Variants in ZNF285 observed in about 807,000 individuals in gnomAD.
ZNF285 encodes the protein zinc finger protein 285A.
A neutral mutation model predicts 6.2 loss-of-function variants in ZNF285; 4 were observed. The ratio of observed to expected loss-of-function variants is 0.65; its 90% CI spans 0.32 to 1.49. ZNF285 has a LOEUF of 1.49. ZNF285 is among the 40% of genes most tolerant of loss of function. The pLI is 0.07. For synonymous variants in ZNF285, 240 were observed against 245.8 expected (o/e 0.98, Z 0.22); for missense variants, 695 against 708.8 (o/e 0.98, Z 0.22).
chr19:44,400,764 G>A (rs1971362016), intron 1 of ZNF285, among the ~76,000 whole-genome samples: 1 of 152,028 alleles, frequency 6.6e-6, no homozygotes, highest in African/African-American at 2.4e-5. Flanking sequence ...GTTTTTTGTA[G>A]TAGAGACGGG....
intron 1 of ZNF285, among the ~76,000 whole-genome samples, chr19:44,399,132 CT>C (rs1450997807): frequency 6.6e-6 from 1 of 150,842 alleles, no homozygotes; most frequent in Non-Finnish European, 1.5e-5. Context: ...GTGGGCTACC[CT>C]TTGAATTGCA....
chr19:44,382,949 A>G lies in ZNF285; in HGVS notation c.*3523T>C, dbSNP rs189684358. 2 of 152,298 alleles carry G rather than the reference A, an allele frequency of 1.3e-5. No individual in the cohort carries two copies. The highest frequency in any genetic ancestry group is 4.8e-5 in the African/African-American group (2 of 41,562). 9.4% of individuals were successfully genotyped at this position (152,298 alleles called of 1,614,324 possible). Reference sequence around the variant, plus strand: ...AGAATGTGGGAGTCTGAGGCCCCAGATAGCTCCTCACCTAGGCATCCCAAA... The same window carrying G: ...AGAATGTGGGAGTCTGAGGCCCCAGGTAGCTCCTCACCTAGGCATCCCAAA... On this transcript the variant is annotated 3_prime_UTR_variant, in exon 4 of 4. Transcript: ENST00000614994.
intron 3 of ZNF285, 58 bp from the exon 4 acceptor site, chr19:44,388,160 T>C: frequency 1.3e-6 from 2 of 1,512,956 alleles, no homozygotes; most frequent in African/African-American, 1.4e-5. Context: ...TCCAGAGGTT[T>C]TGAGAAAATG....
intron 1 of ZNF285, among the ~76,000 whole-genome samples, chr19:44,397,612 C>T (rs1341486957): frequency 6.6e-6 from 1 of 152,174 alleles, no homozygotes; most frequent in Non-Finnish European, 1.5e-5. Context: ...GGGCTGGGCA[C>T]AGTGGCTCAC....
chr19:44,396,963 T>C, intron 2 of ZNF285: 1 of 575,956 alleles, frequency 1.7e-6, no homozygotes, highest in Non-Finnish European at 3.1e-6. Context: ...GGACTGGTAC[T>C]GATACATGAA....
chr19:44,392,223 A>C lies in ZNF285; in HGVS notation c.142+117T>G, dbSNP rs1027964740. The stretch of plus-strand genomic sequence containing the variant: ...TTTCTAACCTGCACATGCATCTCTT[A>C]GGAGTTTTCTTTCCAGTGGCCAAAG... On this transcript the variant is annotated intron_variant, in intron 3 of 3. Coordinates refer to ENST00000614994, the MANE Select transcript of ZNF285 (RefSeq NM_152354.6). The C allele has an allele frequency of 3.2e-6, 5 of 1,547,318 alleles. No homozygotes were observed. The African/African-American group carries it at 6.9e-5, about 21-fold the overall frequency.
intron 1 of ZNF285, among the ~76,000 whole-genome samples, chr19:44,397,911 AAAAG>A (rs1971311628): frequency 6.6e-6 from 1 of 151,900 alleles, no homozygotes; most frequent in African/African-American, 2.4e-5. Context: ...GAGGAAAAAA[AAAAG>A]AGAGAGCAAT....
chr19:44,398,732 C>G (rs1242163834), intron 1 of ZNF285, among the ~76,000 whole-genome samples: 1 of 152,082 alleles, frequency 6.6e-6, no homozygotes, highest in Non-Finnish European at 1.5e-5. Flanking sequence ...GGGATTCCAT[C>G]TGATAAACCC....
intron 2 of ZNF285, among the ~76,000 whole-genome samples, chr19:44,395,191 C>A (rs1452153133): frequency 2.0e-5 from 3 of 151,960 alleles, no homozygotes; most frequent in Non-Finnish European, 4.4e-5. Flanking sequence ...TAAACACATG[C>A]AAAAATCTTT....
intron 1 of ZNF285, among the ~76,000 whole-genome samples, chr19:44,397,849 G>C (rs1179922817): frequency 6.8e-6 from 1 of 148,004 alleles, no homozygotes; most frequent in Admixed American, 6.9e-5. Context: ...CTGCACTCCA[G>C]CCTGGGCAAC....
rs1386256592 is a variant in ZNF285, at chr19:44,383,504, A to T, written c.*2968T>A. The T allele has an allele frequency of 3.3e-5, 5 of 152,202 alleles. No homozygotes were observed. In the East Asian group the frequency reaches 9.6e-4, roughly 29 times the overall value. 9.4% of individuals were successfully genotyped at this position (152,202 alleles called of 1,614,324 possible). On this transcript the variant is annotated 3_prime_UTR_variant, in exon 4 of 4. Transcript: ENST00000614994. ...TGACCATCATAAAACAGCCAGGCCC[A>T]GATGAACCATCAGCTGACTGCAGAT...
intron 2 of ZNF285, among the ~76,000 whole-genome samples, chr19:44,392,899 T>C (rs902271329): frequency 6.6e-6 from 1 of 152,110 alleles, no homozygotes; most frequent in Non-Finnish European, 1.5e-5. Context: ...CACACCAAGA[T>C]TTAGTATTTT....
At chr19:44,397,609 G>C (rs947382108) in intron 1 of ZNF285, among the ~76,000 whole-genome samples, 2 of 152,140 alleles carry the variant, frequency 1.3e-5, no homozygotes, top group African/African-American at 4.8e-5. Flanking sequence ...TCAGGGCTGG[G>C]CACAGTGGCT....
intron 2 of ZNF285, among the ~76,000 whole-genome samples, chr19:44,395,727 C>T (rs920669977): frequency 6.6e-6 from 1 of 152,140 alleles, no homozygotes; most frequent in African/African-American, 2.4e-5. Flanking sequence ...TTCCTTACCC[C>T]TTTAGTTTTG....
Position 44,386,932 on chromosome 19 carries a change from C to T in ZNF285, c.1313G>A (p.Ser438Asn). The part of the protein sequence containing the change: ...YRCGECGKGF[S>N]QCTHLHIHQR... ...GTGAATGTGAAGGTGTGTACATTGG[C>T]TGAAGCCCTTTCCACACTCACCACA... is the stretch of plus-strand genomic sequence containing the variant. The change falls in exon 4 of 4, where the codon AGC (serine) becomes AAC (asparagine). Residue 438 changes from serine (S) to asparagine (N), a missense_variant. By Grantham distance (46) the Ser-to-Asn change is conservative. Coordinates refer to ENST00000614994, the MANE Select transcript of ZNF285 (RefSeq NM_152354.6). The T allele has an allele frequency of 6.2e-7, 1 of 1,614,154 alleles. No individual in the cohort carries two copies.
rs754661432 is a variant in ZNF285, at chr19:44,387,412, T to C, written c.833A>G (p.His278Arg). The stretch of plus-strand genomic sequence containing the variant: ...AGTCTTGCCAGAGTGAGTTTTACAA[T>C]GAACGATAAGATCTTGGCTCTGACT... ...NFSQSQDLIVHCKTHSGKTPY... is the reference protein window; with the variant it reads ...NFSQSQDLIVRCKTHSGKTPY... Residue 278 changes from histidine to arginine, a missense_variant, in exon 4 of 4, where the codon CAT becomes CGT. By Grantham distance (29) the His-to-Arg change is conservative. Coordinates refer to ENST00000614994, the MANE Select transcript of ZNF285 (RefSeq NM_152354.6). The C allele has an allele frequency of 3.7e-6, 6 of 1,614,184 alleles. No individual in the cohort carries two copies. The highest frequency in any genetic ancestry group is 1.1e-5 in the South Asian group (1 of 91,082).
chr19:44,387,884 T>G lies in ZNF285; in HGVS notation c.361A>C (p.Asn121His). 6.2e-7 allele frequency: 1 copy of G among 1,613,982 alleles called. No individual in the cohort carries two copies. ...ATGGCATTTACTACATAGTTTTCAT[T>G]TTCAGAAATCTGAAGAGAAATGCCT... ...WAGISLQISE[N>H]ENYVVNAIIK... Residue 121 changes from asparagine to histidine, a missense_variant, in exon 4 of 4, where the codon AAT (asparagine) becomes CAT (histidine). By Grantham distance (68) the Asn-to-His change is moderately conservative (BLOSUM62 1). Transcript: ENST00000614994.
At chr19:44,400,056 A>G (rs868521876) in intron 1 of ZNF285, among the ~76,000 whole-genome samples, 1 of 150,620 alleles carries the variant, frequency 6.6e-6, no homozygotes, top group Non-Finnish European at 1.5e-5. Context: ...GAGACTTCCC[A>G]TTGGCCAAAG....
rs1474093235 is a variant in ZNF285, at chr19:44,387,253, A to G, written c.992T>C (p.Leu331Pro). The G allele has an allele frequency of 6.2e-7, 1 of 1,613,996 alleles. No individual in the cohort carries two copies. Among genetic ancestry groups the G allele is most frequent in the Non-Finnish European group, 8.5e-7 (1 of 1,180,006 alleles). Residue 331 changes from leucine to proline, a missense_variant, in exon 4 of 4, where the codon CTT (leucine) becomes CCT (proline). Leu to Pro is a moderately conservative substitution (Grantham distance 98, BLOSUM62 -3). Transcript: ENST00000614994. ...TGTGTGGACTCGATGATGGTTGTGA[A>G]GGGAAGAGCTGCGCCTGAAGCCCTT... ...CGKGFRRSSS[L>P]HNHHRVHTGE... is the part of the protein sequence containing the mutation.
Sources: allele counts gnomAD v4.1 joint callset (sites outside exome capture counted in the v4.1 genomes callset), GRCh38; gene constraint gnomAD v4.1.1; transcripts MANE v1.5; gene names NCBI Gene and HGNC (gene_info 2026-07-23, HGNC 2026-07-21).